CCDC88C: variants seen among roughly 807,000 people sequenced by gnomAD.
CCDC88C encodes coiled-coil and HOOK domain protein 88C.
CCDC88C carries 131 observed loss-of-function variants against 198.8 expected under a neutral mutation model. That is an observed-to-expected ratio of 0.66 (90% CI 0.57 to 0.76). CCDC88C has a LOEUF of 0.76. Among genes scored for constraint, CCDC88C ranks in the 30% least tolerant of loss-of-function variants. CCDC88C has a pLI of 0.00. For synonymous variants in CCDC88C, 1,166 were observed against 1,114.7 expected, an observed-to-expected ratio of 1.05 and a Z score of -0.92; for missense variants, 2,553 against 2,631.6, an observed-to-expected ratio of 0.97 and a Z score of 0.65.
At chr14:91,308,291 C>G (rs1039781120) in intron 17 of CCDC88C, 60 bp downstream of exon 17, 2 of 1,598,054 alleles carry the variant, frequency 1.3e-6, no homozygotes, top group Non-Finnish European at 1.7e-6. Flanking sequence ...AGGTGAGGGG[C>G]TGGAAAGGGT....
Position 91,416,634 on chromosome 14 carries a change from C to A in CCDC88C, c.161+104G>T, listed in dbSNP as rs544659372. 2.4e-4 allele frequency: 195 copies of A among 826,812 alleles called. 2 individuals are homozygous for A. The East Asian group carries it at 5.0e-3, about 21-fold the overall frequency. 51.2% of individuals were successfully genotyped at this position (826,812 alleles called of 1,614,324 possible). A position where few individuals can be genotyped will look rare whatever the true frequency, so the allele number is the denominator to read the frequency against. On this transcript the variant is annotated intron_variant, in intron 2 of 29. Transcript: ENST00000389857. ...AGCGTCTCCACCTTCAGAGAACTACCCCCCACCCCACACACACCCCGCCAT... is the reference window on the plus strand; with the variant it reads ...AGCGTCTCCACCTTCAGAGAACTACACCCCACCCCACACACACCCCGCCAT...
chr14:91,403,240 T>C (rs1305024516), intron 3 of CCDC88C, among the ~76,000 whole-genome samples: 1 of 152,062 alleles, frequency 6.6e-6, no homozygotes, highest in Non-Finnish European at 1.5e-5. Context: ...CCCACATCCA[T>C]CCAAGGGTCC....
chr14:91,349,341 G>A (rs1486218605), intron 4 of CCDC88C, among the ~76,000 whole-genome samples: 6 of 152,234 alleles, frequency 3.9e-5, no homozygotes, highest in Non-Finnish European at 5.9e-5. Flanking sequence ...CAGACTTATC[G>A]GGTAGGCAAG....
At chr14:91,369,496 A>G (rs966984644) in intron 3 of CCDC88C, among the ~76,000 whole-genome samples, 9 of 152,020 alleles carry the variant, frequency 5.9e-5, no homozygotes, top group African/African-American at 2.2e-4. Context: ...GTGACCCACC[A>G]TGCCCGGCCA....
At position 91,313,224 on chromosome 14, in the gene CCDC88C, G is replaced by A. The variant is rs749016872; in HGVS notation, c.2592C>T (p.Ala864=). 3.1e-5 allele frequency: 50 copies of A among 1,613,768 alleles called. No individual in the cohort carries two copies. Among genetic ancestry groups the A allele is most frequent in the Non-Finnish European group, 3.4e-5 (40 of 1,179,888 alleles). The change falls in exon 15 of 30, where the codon GCC becomes GCT. Residue 864 remains alanine, a synonymous_variant. Coordinates refer to ENST00000389857, the MANE Select transcript of CCDC88C (RefSeq NM_001080414.4). This position sits in a 1 kb window ranked among gnomAD's most constrained non-coding sequence, Gnocchi z 5.2. ...VLDDSTAKLS[A]VEKESRALDK... is the part of the protein sequence containing the mutation. The stretch of plus-strand genomic sequence containing the variant: ...CCAGCGCGCGGCTCTCCTTCTCAAC[G>A]GCGGACAGTTTGGCAGTGCTATCGT...
intron 3 of CCDC88C, among the ~76,000 whole-genome samples, chr14:91,392,828 A>C (rs1167635364): frequency 6.6e-6 from 1 of 151,466 alleles, no homozygotes; most frequent in African/African-American, 2.4e-5. Flanking sequence ...TTCCTGGGAG[A>C]GGCAGAGGCT....
At chr14:91,382,172 C>T (rs1259605440) in intron 3 of CCDC88C, among the ~76,000 whole-genome samples, 1 of 152,146 alleles carries the variant, frequency 6.6e-6, no homozygotes, top group Non-Finnish European at 1.5e-5. Flanking sequence ...GTATGGAGCG[C>T]TACTGTCCAC....
At chr14:91,384,836 G>A (rs1347551709) in intron 3 of CCDC88C, among the ~76,000 whole-genome samples, 1 of 152,064 alleles carries the variant, frequency 6.6e-6, no homozygotes, top group African/African-American at 2.4e-5. Flanking sequence ...CAGCCCCAAG[G>A]GTGGATGAAG....
intron 22 of CCDC88C, 133 bp from the exon 23 acceptor site, chr14:91,294,451 T>TG: frequency 9.5e-7 from 1 of 1,049,128 alleles, no homozygotes; most frequent in African/African-American, 1.6e-5. Context: ...AGTGGAAACT[T>TG]GGAAAGGGCC....
chr14:91,342,347 A>G (rs761522881), intron 6 of CCDC88C, 33 bp downstream of exon 6: 54 of 1,420,850 alleles, frequency 3.8e-5, no homozygotes, highest in South Asian at 2.0e-4. Flanking sequence ...GCAGCAGTCC[A>G]CAGCTGAGCC....
At chr14:91,378,631 A>C (rs530234837) in intron 3 of CCDC88C, 1 of 144,080 alleles carries the variant, frequency 6.9e-6, no homozygotes, top group African/African-American at 2.8e-5. Flanking sequence ...AGAAGTACAC[A>C]TTCCCATGCT....
chr14:91,386,093 A>G (rs1397717124), intron 3 of CCDC88C, among the ~76,000 whole-genome samples: 1 of 152,022 alleles, frequency 6.6e-6, no homozygotes, highest in African/African-American at 2.4e-5. Context: ...CATCTACTTC[A>G]CACTCTTTAT....
chr14:91,371,903 C>T lies in CCDC88C; in HGVS notation c.271-12192G>A, dbSNP rs368027794. On this transcript the variant is annotated intron_variant, in intron 3 of 29. Transcript: ENST00000389857. The surrounding 1 kb of genome is among the most constrained non-coding windows in gnomAD (Gnocchi z 4.2). ...GTGGAGGGCACCTAGGAGCCTCCAGCGGTAGATGGCAGCCCAGACCACCCC... is the reference window on the plus strand; with the variant it reads ...GTGGAGGGCACCTAGGAGCCTCCAGTGGTAGATGGCAGCCCAGACCACCCC... Among the ~76,000 whole-genome samples the T allele has an allele frequency of 2.0e-5, 3 of 152,160 alleles. No individual in the cohort carries two copies. The highest frequency in any genetic ancestry group is 7.2e-5 in the African/African-American group (3 of 41,440).
chr14:91,387,656 G>C (rs778856261), intron 3 of CCDC88C, among the ~76,000 whole-genome samples: 3 of 152,156 alleles, frequency 2.0e-5, no homozygotes, highest in African/African-American at 7.2e-5. Context: ...AGAAGTGCAC[G>C]GGCCAGCTGT....
chr14:91,272,999 C>A lies in CCDC88C; in HGVS notation c.5713G>T (p.Ala1905Ser). ...RLAPLHQSAT[A>S]PAIATAGAGA... ...GCACCTGCAGTGGCAATGGCGGGGG[C>A]TGTGGCAGACTGATGCAGGGGGGCC... Residue 1905 changes from alanine to serine, a missense_variant, in exon 30 of 30, where the codon GCC becomes TCC. Ala to Ser is a moderately conservative substitution (Grantham distance 99, BLOSUM62 1). Coordinates refer to ENST00000389857, the MANE Select transcript of CCDC88C (RefSeq NM_001080414.4). 1.3e-6 allele frequency: 2 copies of A among 1,552,242 alleles called. No individual in the cohort carries two copies. Among genetic ancestry groups the A allele is most frequent in the Non-Finnish European group, 1.7e-6 (2 of 1,154,098 alleles).
At chr14:91,280,438 C>T (rs1024857574) in intron 27 of CCDC88C, among the ~76,000 whole-genome samples, 2 of 152,198 alleles carry the variant, frequency 1.3e-5, no homozygotes, top group South Asian at 2.1e-4. Flanking sequence ...AAAACAGAAT[C>T]GGTCCCCTCC....
chr14:91,406,928 G>A (rs898540700), intron 3 of CCDC88C, among the ~76,000 whole-genome samples: 1 of 152,042 alleles, frequency 6.6e-6, no homozygotes, highest in Non-Finnish European at 1.5e-5. Flanking sequence ...CCTGACCCTC[G>A]GCCCCCACCT....
At chr14:91,373,697 G>T (rs568660132) in intron 3 of CCDC88C, among the ~76,000 whole-genome samples, 1 of 152,304 alleles carries the variant, frequency 6.6e-6, no homozygotes. Context: ...TGAAAAGCCG[G>T]GGAGGAGGAA....
intron 3 of CCDC88C, among the ~76,000 whole-genome samples, chr14:91,406,791 G>A (rs1886508122): frequency 6.6e-6 from 1 of 152,218 alleles, no homozygotes; most frequent in Non-Finnish European, 1.5e-5. Context: ...CCCTGTGCAT[G>A]GCTGTCGCGA....
Sources: gnomAD v4.1 joint callset for allele counts (sites outside exome capture counted in the v4.1 genomes callset) on GRCh38, gnomAD v4.1.1 for gene constraint, Gnocchi (gnomAD v3.1) non-coding constraint, MANE v1.5 for transcripts, NCBI Gene and HGNC (gene_info 2026-07-23, HGNC 2026-07-21) for gene names.